The following TTC27 variants were observed in gnomAD, a reference collection of about 807,000 sequenced individuals.
TTC27 encodes tetratricopeptide repeat protein 27.
Under a neutral mutation model 115.9 loss-of-function variants are expected in TTC27, and 79 were observed. That is an observed-to-expected ratio of 0.68 (90% CI 0.57 to 0.82). TTC27 has a LOEUF of 0.82. Among genes scored for constraint, TTC27 ranks in the 40% least tolerant of loss-of-function variants. The pLI is 0.00. For missense variants in TTC27, 1,054 were observed against 993.1 expected (o/e 1.06, Z -0.82); for synonymous variants, 401 against 356.0 (o/e 1.13, Z -1.42).
rs545068953 is a variant in TTC27 at position 32,740,123 on chromosome 2, T to G, written c.1452+3307T>G. Reference sequence around the variant, plus strand: ...TTCTCATCTGTTAGCATTTAGTATTTAAAGGTTATCCGACCCACTTACAGC... The same window carrying G: ...TTCTCATCTGTTAGCATTTAGTATTGAAAGGTTATCCGACCCACTTACAGC... On this transcript the variant is annotated intron_variant, in intron 12 of 19. Transcript: ENST00000317907. Among the ~76,000 whole-genome samples, 15 of 152,348 alleles carry G rather than the reference T, an allele frequency of 9.8e-5. No individual in the cohort carries two copies. In the East Asian group the frequency reaches 2.9e-3, roughly 29 times the overall value.
chr2:32,753,487 G>C (rs1345988184), intron 12 of TTC27, among the ~76,000 whole-genome samples: 1 of 136,196 alleles, frequency 7.3e-6, no homozygotes, highest in East Asian at 2.2e-4. Flanking sequence ...ACCCAGGCTG[G>C]AGTGCAGTGG....
intron 2 of TTC27, among the ~76,000 whole-genome samples, chr2:32,633,410 T>G (rs979122595): frequency 6.6e-6 from 1 of 152,026 alleles, no homozygotes; most frequent in Non-Finnish European, 1.5e-5. Context: ...ATTGTAGACC[T>G]AATTTCTTTT....
chr2:32,776,094 C>A (rs1217021497), intron 13 of TTC27, among the ~76,000 whole-genome samples: 1 of 152,122 alleles, frequency 6.6e-6, no homozygotes, highest in African/African-American at 2.4e-5. Context: ...CTGCTTCTGC[C>A]CCCTCCCAGT....
At chr2:32,800,647 G>A (rs1301135330) in intron 16 of TTC27, among the ~76,000 whole-genome samples, 2 of 151,744 alleles carry the variant, frequency 1.3e-5, no homozygotes, top group Non-Finnish European at 1.5e-5. Flanking sequence ...ACAGGCATGC[G>A]CCACTATGCC....
At chr2:32,690,435 C>T (rs1278800766) in intron 9 of TTC27, among the ~76,000 whole-genome samples, 1 of 152,120 alleles carries the variant, frequency 6.6e-6, no homozygotes, top group African/African-American at 2.4e-5. Flanking sequence ...CTGTACTTAG[C>T]AATACTAGGC....
intron 13 of TTC27, among the ~76,000 whole-genome samples, chr2:32,770,057 G>A (rs1438127616): frequency 2.6e-5 from 4 of 152,166 alleles, no homozygotes; most frequent in African/African-American, 9.7e-5. Flanking sequence ...ATTTGGATAG[G>A]TGGAAAAAAT....
chr2:32,700,131 G>A (rs1356537216), intron 9 of TTC27, among the ~76,000 whole-genome samples: 2 of 152,192 alleles, frequency 1.3e-5, no homozygotes, highest in African/African-American at 2.4e-5. Flanking sequence ...GAGTGTAAAC[G>A]CTGGAGGAGG....
In TTC27 at chr2:32,664,568, AT is replaced by A; in HGVS notation, c.805+104del. 5.9e-6 allele frequency: 6 copies of A among 1,025,028 alleles called. 1 individual carries two copies. In the South Asian group the frequency reaches 7.0e-5, roughly 12 times the overall value. 63.5% of individuals were successfully genotyped at this position (1,025,028 alleles called of 1,614,324 possible). A position where few individuals can be genotyped will look rare whatever the true frequency, so the allele number is the denominator to read the frequency against. On this transcript the variant is annotated intron_variant, in intron 6 of 19. Coordinates refer to ENST00000317907, the MANE Select transcript of TTC27 (RefSeq NM_017735.5). ...GTTGGTATTAGATTTTCTATATCCT[AT>A]TTGCTTTACAAAAGTAGACTTTAAA...
intron 10 of TTC27, among the ~76,000 whole-genome samples, chr2:32,727,070 A>G (rs775339426): frequency 6.6e-6 from 1 of 152,214 alleles, no homozygotes; most frequent in Admixed American, 6.5e-5. Flanking sequence ...GGAATTCAAG[A>G]TGAGATTTGG....
intron 14 of TTC27, among the ~76,000 whole-genome samples, chr2:32,782,212 A>G (rs142845029): frequency 1.1e-3 from 163 of 152,276 alleles, no homozygotes; most frequent in Middle Eastern, 6.8e-3. Flanking sequence ...ACTGGAGAAC[A>G]GATTTTTTCT....
chr2:32,692,688 C>T (rs1666856119), intron 9 of TTC27, among the ~76,000 whole-genome samples: 1 of 152,050 alleles, frequency 6.6e-6, no homozygotes, highest in African/African-American at 2.4e-5. Flanking sequence ...TACTAAAAAT[C>T]TGGTGGGGCA....
intron 9 of TTC27, among the ~76,000 whole-genome samples, chr2:32,700,169 T>C (rs1256547112): frequency 6.6e-6 from 1 of 152,162 alleles, no homozygotes; most frequent in Admixed American, 6.5e-5. Context: ...CAGATGTGCT[T>C]TTCAGTGGGA....
At chr2:32,782,455 T>G (rs1395871488) in intron 14 of TTC27, among the ~76,000 whole-genome samples, 171 bp from the exon 15 acceptor site, 8 of 152,214 alleles carry the variant, frequency 5.3e-5, no homozygotes, top group Non-Finnish European at 1.2e-4. Flanking sequence ...TTCTAAATTA[T>G]AAAAGTTCAG....
chr2:32,702,223 A>T (rs998948622), intron 9 of TTC27, among the ~76,000 whole-genome samples: 1 of 152,168 alleles, frequency 6.6e-6, no homozygotes, highest in Non-Finnish European at 1.5e-5. Flanking sequence ...CAACTTTCAG[A>T]TAAATAAACA....
At chr2:32,794,329 T>C (rs548353335) in intron 16 of TTC27, among the ~76,000 whole-genome samples, 90 of 152,044 alleles carry the variant, frequency 5.9e-4, no homozygotes, top group African/African-American at 2.0e-3. Flanking sequence ...TTATGGAAAG[T>C]AAACAACACA....
intron 2 of TTC27, among the ~76,000 whole-genome samples, chr2:32,633,023 A>C (rs1424767559): frequency 6.6e-6 from 1 of 152,194 alleles, no homozygotes; most frequent in East Asian, 1.9e-4. Flanking sequence ...TAAAATATCT[A>C]TATGTTTTGT....
At chr2:32,687,241 T>A (rs1666664287) in intron 9 of TTC27, among the ~76,000 whole-genome samples, 1 of 152,224 alleles carries the variant, frequency 6.6e-6, no homozygotes. Flanking sequence ...GAAGGATTAC[T>A]CTATTAATTT....
chr2:32,715,296 G>A (rs571705706), intron 10 of TTC27, among the ~76,000 whole-genome samples: 1 of 152,250 alleles, frequency 6.6e-6, no homozygotes, highest in African/African-American at 2.4e-5. Context: ...CATGTGGTTA[G>A]CCAGTTATCC....
chr2:32,662,536 A>G (rs1307109628), intron 5 of TTC27, among the ~76,000 whole-genome samples: 2 of 151,798 alleles, frequency 1.3e-5, no homozygotes, highest in Non-Finnish European at 2.9e-5. Flanking sequence ...TTTCTTCTAG[A>G]TTTTCTAGTT....
Sources: allele counts gnomAD v4.1 joint callset (sites outside exome capture counted in the v4.1 genomes callset), GRCh38; gene constraint gnomAD v4.1.1; transcripts MANE v1.5; gene names NCBI Gene and HGNC (gene_info 2026-07-23, HGNC 2026-07-21).